TRPA1: variants seen among roughly 807,000 people sequenced by gnomAD.
TRPA1 encodes the protein ankyrin-like with transmembrane domains 1.
TRPA1 carries 129 observed loss-of-function variants against 131.3 expected under a neutral mutation model. The observed-to-expected ratio is 0.98, with a 90% CI of 0.85 to 1.14. The LOEUF is 1.14. Among genes scored for constraint, TRPA1 ranks in the 50% most tolerant of loss-of-function variants. The probability of loss-of-function intolerance (pLI) is 0.00; values close to 1 mark genes in which losing one functional copy is unlikely to be tolerated. For missense variants in TRPA1, 1,304 were observed against 1,354.2 expected (o/e 0.96, Z 0.58); for synonymous variants, 441 against 451.7 (o/e 0.98, Z 0.30).
intron 21 of TRPA1, among the ~76,000 whole-genome samples, chr8:72,035,238 CAG>C (rs982631306): frequency 1.3e-5 from 2 of 152,166 alleles, no homozygotes; most frequent in Admixed American, 6.5e-5. Flanking sequence ...GCGAAATTCA[CAG>C]AGACATATAT....
At chr8:72,061,889 T>A in intron 6 of TRPA1, 128 bp from the exon 7 acceptor site, 1 of 998,892 alleles carries the variant, frequency 1.0e-6, no homozygotes, top group Non-Finnish European at 1.5e-6. Flanking sequence ...TGATCACCAT[T>A]AATCATCTGA....
At chr8:72,023,566 G>C in intron 26 of TRPA1, 2 of 452,900 alleles carry the variant, frequency 4.4e-6, no homozygotes, top group South Asian at 4.9e-5. Flanking sequence ...CTACCTCCAA[G>C]AGAAAGGAAA....
chr8:72,046,456 T>TA (rs11349767), intron 17 of TRPA1, 57 bp downstream of exon 17: 49,441 of 803,588 alleles, frequency 0.062, 19 homozygotes, highest in East Asian at 0.076. Flanking sequence ...TAAAGTATAA[T>TA]AAAAAAAAAA....
At chr8:72,063,899 G>A (rs1451456244) in intron 4 of TRPA1, among the ~76,000 whole-genome samples, 2 of 152,050 alleles carry the variant, frequency 1.3e-5, no homozygotes, top group African/African-American at 2.4e-5. Context: ...ACTATTTTCA[G>A]TTTCTTATGC....
chr8:72,045,845 A>T (rs1422199370), intron 17 of TRPA1, among the ~76,000 whole-genome samples: 1 of 151,994 alleles, frequency 6.6e-6, no homozygotes, highest in Non-Finnish European at 1.5e-5. Flanking sequence ...TTGGCTAGAA[A>T]CATAAAAGCA....
At chr8:72,063,150 G>A (rs1011086919) in intron 5 of TRPA1, among the ~76,000 whole-genome samples, 1 of 152,008 alleles carries the variant, frequency 6.6e-6, no homozygotes, top group African/African-American at 2.4e-5. Flanking sequence ...GAGAGGTCAT[G>A]GTGGGAGGAT....
intron 24 of TRPA1, among the ~76,000 whole-genome samples, chr8:72,026,809 T>C (rs1002941137): frequency 7.2e-5 from 11 of 152,320 alleles, no homozygotes; most frequent in Non-Finnish European, 1.6e-4. Context: ...TTGTAACTAC[T>C]AGTGAGATTT....
the TRPA1 span, among the ~76,000 whole-genome samples, chr8:72,081,514 A>G: frequency 6.6e-6 from 1 of 151,814 alleles, no homozygotes; most frequent in Non-Finnish European, 1.5e-5. Flanking sequence ...TATTGGGTAT[A>G]CTTCGGTGAT....
chr8:72,029,619 G>T, intron 24 of TRPA1: 1 of 528,678 alleles, frequency 1.9e-6, no homozygotes, highest in East Asian at 3.3e-5. Context: ...TGAAAGTGAT[G>T]CATATTCAGT....
chr8:72,055,369 A>C, intron 12 of TRPA1, 67 bp downstream of exon 12: 2 of 1,359,518 alleles, frequency 1.5e-6, no homozygotes, highest in Admixed American at 3.5e-5. Flanking sequence ...TAAAAATATA[A>C]TGAAAAGATA....
chr8:72,044,555 T>G (rs1162725806), intron 17 of TRPA1, among the ~76,000 whole-genome samples: 1 of 151,946 alleles, frequency 6.6e-6, no homozygotes, highest in African/African-American at 2.4e-5. Flanking sequence ...AAATAAAGTG[T>G]AAATAAGACA....
At chr8:72,088,366 C>CTTTTT in the TRPA1 span, among the ~76,000 whole-genome samples, 4,269 of 80,136 alleles carry the variant, frequency 0.053, 149 homozygotes, top group Middle Eastern at 0.11. Context: ...TCTTTGAAAA[C>CTTTTT]TTTTTTTTTT....
At chr8:72,072,926 C>T (rs561309955) in intron 1 of TRPA1, among the ~76,000 whole-genome samples, 4 of 152,218 alleles carry the variant, frequency 2.6e-5, no homozygotes, top group African/African-American at 7.2e-5. Flanking sequence ...GCATATCAGA[C>T]GTACTAGATC....
At chr8:72,079,137 T>G (rs1241985175), upstream of TRPA1, among the ~76,000 whole-genome samples, 2 of 152,004 alleles carry the variant, frequency 1.3e-5, no homozygotes, top group Non-Finnish European at 2.9e-5. Flanking sequence ...ATTCTAAATA[T>G]AACTCTTTAA....
chr8:72,080,187 G>A (rs1262388302), upstream of TRPA1, among the ~76,000 whole-genome samples: 1 of 151,826 alleles, frequency 6.6e-6, no homozygotes, highest in East Asian at 1.9e-4. Context: ...TTGTTGAATA[G>A]AAGAGGAGAG....
At chr8:72,042,183 C>T (rs1044768632) in intron 17 of TRPA1, among the ~76,000 whole-genome samples, 1 of 151,856 alleles carries the variant, frequency 6.6e-6, no homozygotes, top group Non-Finnish European at 1.5e-5. Context: ...ATTTGAGGAA[C>T]TCCTACAACT....
chr8:72,049,091 C>T (rs971325976), intron 15 of TRPA1, among the ~76,000 whole-genome samples: 10 of 152,082 alleles, frequency 6.6e-5, no homozygotes, highest in Non-Finnish European at 1.5e-4. Flanking sequence ...ACTGGACTGG[C>T]TCCAATTTTC....
At chr8:72,066,275 T>C (rs16937964) in intron 3 of TRPA1, among the ~76,000 whole-genome samples, 13,923 of 152,272 alleles carry the variant, frequency 0.091, 949 homozygotes, top group Admixed American at 0.22. Flanking sequence ...CCCAAGCATC[T>C]ATAGGTCTTT....
chr8:72,025,646 G>A (rs1811573669), intron 25 of TRPA1, among the ~76,000 whole-genome samples: 1 of 152,122 alleles, frequency 6.6e-6, no homozygotes, highest in Non-Finnish European at 1.5e-5. Flanking sequence ...AGCAAATAAA[G>A]TATACCTGTA....
Sources: allele counts gnomAD v4.1 joint callset (sites outside exome capture counted in the v4.1 genomes callset), GRCh38; gene constraint gnomAD v4.1.1; transcripts MANE v1.5; gene names NCBI Gene and HGNC (gene_info 2026-07-23, HGNC 2026-07-21).